The following DNAJA1 variants were observed in gnomAD, a reference collection of about 807,000 sequenced individuals.
The protein encoded by DNAJA1 is DnaJ heat shock protein family (Hsp40) member A1.
Under a neutral mutation model 47.6 loss-of-function variants are expected in DNAJA1, and 26 were observed. The observed-to-expected ratio is 0.55, with a 90% CI of 0.40 to 0.76. The LOEUF (loss-of-function observed/expected upper bound fraction) is 0.76. DNAJA1 is among the 30% of genes least tolerant of loss of function. The pLI is 0.00. For missense variants in DNAJA1, 315 were observed against 485.0 expected (o/e 0.65, Z 3.29); for synonymous variants, 165 against 158.4 (o/e 1.04, Z -0.31).
intron 3 of DNAJA1, among the ~76,000 whole-genome samples, chr9:33,027,410 G>A (rs538867889): frequency 1.3e-5 from 2 of 151,994 alleles, no homozygotes; most frequent in East Asian, 3.9e-4. Context: ...CACCTGCCTT[G>A]GCCTCCCAGA....
At chr9:33,030,699 G>A in intron 5 of DNAJA1, 32 bp downstream of exon 5, 1 of 1,530,844 alleles carries the variant, frequency 6.5e-7, no homozygotes, top group Non-Finnish European at 8.9e-7. Context: ...CTGAAGTCTT[G>A]AATGCTGTGG....
At chr9:33,035,540 G>A (rs901267060) in intron 6 of DNAJA1, among the ~76,000 whole-genome samples, 1 of 152,014 alleles carries the variant, frequency 6.6e-6, no homozygotes. Flanking sequence ...TGAGATCTTG[G>A]CTCACTGCAA....
intron 3 of DNAJA1, 47 bp downstream of exon 3, chr9:33,027,037 G>A (rs746245640): frequency 3.7e-6 from 6 of 1,606,962 alleles, no homozygotes; most frequent in East Asian, 2.2e-5. Context: ...TTAGCTGTTG[G>A]TCAGAGCAGA....
At chr9:33,028,025 C>CAAA (rs144327341) in intron 3 of DNAJA1, among the ~76,000 whole-genome samples, 44 of 77,886 alleles carry the variant, frequency 5.6e-4, no homozygotes, top group African/African-American at 7.7e-4. Flanking sequence ...ACTCTTGTCT[C>CAAA]AAAAAAAAAA....
chr9:33,032,186 G>A (rs147221727), intron 5 of DNAJA1, among the ~76,000 whole-genome samples: 542 of 152,320 alleles, frequency 3.6e-3, no homozygotes, highest in African/African-American at 0.012. Context: ...ATAAGTGGCT[G>A]CAATAGGATT....
chr9:33,026,754 T>C (rs1400258334), intron 2 of DNAJA1, 59 bp from the exon 3 acceptor site: 4 of 1,590,654 alleles, frequency 2.5e-6, no homozygotes, highest in Non-Finnish European at 2.6e-6. Context: ...TCAAGTGTAA[T>C]GTAGCTAGGT....
chr9:33,026,635 T>C lies in DNAJA1; in HGVS notation c.132+19T>C. The C allele has an allele frequency of 6.3e-7, 1 of 1,595,594 alleles. No homozygotes were observed. On this transcript the variant is annotated intron_variant, in intron 2 of 8. Transcript: ENST00000330899. Reference sequence around the variant, plus strand: ...AGAGAAGGTGAATAGTATCTACTCTTAAACGTATCTGAATAGTTCTTTGCC... The same window carrying C: ...AGAGAAGGTGAATAGTATCTACTCTCAAACGTATCTGAATAGTTCTTTGCC...
chr9:33,032,518 A>G (rs1285063242), intron 5 of DNAJA1, among the ~76,000 whole-genome samples: 3 of 152,160 alleles, frequency 2.0e-5, no homozygotes, highest in East Asian at 1.9e-4. Context: ...TGGTCTTGTT[A>G]TGTGTCATTT....
At chr9:33,029,335 C>T (rs181818346) in intron 3 of DNAJA1, among the ~76,000 whole-genome samples, 370 of 152,298 alleles carry the variant, frequency 2.4e-3, no homozygotes, top group Non-Finnish European at 3.2e-3. Flanking sequence ...AGTGCTGGCC[C>T]AGCAGTAAAT....
intron 5 of DNAJA1, 103 bp downstream of exon 5, chr9:33,030,770 A>G: frequency 3.0e-6 from 3 of 989,834 alleles, no homozygotes; most frequent in Non-Finnish European, 4.4e-6. Context: ...GTTATATATG[A>G]TCCTATCAAT....
At chr9:33,027,331 T>C (rs1158622271) in intron 3 of DNAJA1, among the ~76,000 whole-genome samples, 1 of 151,850 alleles carries the variant, frequency 6.6e-6, no homozygotes, top group Non-Finnish European at 1.5e-5. Flanking sequence ...AATTTTGTAT[T>C]TTTAGTAGAG....
rs114454525 is a variant in DNAJA1, at chr9:33,035,902, A to G, written c.759-672A>G. 4.4e-3 allele frequency among the ~76,000 whole-genome samples: 677 copies of G among 152,364 alleles called. 4 individuals are homozygous for G. The highest frequency in any genetic ancestry group is 0.015 in the African/African-American group (634 of 41,586). On this transcript the variant is annotated intron_variant, in intron 6 of 8. Transcript: ENST00000330899. ...AGGAAATATTATTTCAGGTTCATCA[A>G]TGAGGAAATTGTTAGAGTCCCTTTA... is the stretch of plus-strand genomic sequence containing the variant.
intron 8 of DNAJA1, 136 bp downstream of exon 8, chr9:33,037,251 C>T (rs1473366544): frequency 1.7e-6 from 1 of 605,416 alleles, no homozygotes; most frequent in Non-Finnish European, 2.8e-6. Flanking sequence ...GCAGGAGGAT[C>T]CCTTGAGCCC....
At chr9:33,036,961 G>A in intron 7 of DNAJA1, 54 bp from the exon 8 acceptor site, 1 of 1,484,628 alleles carries the variant, frequency 6.7e-7, no homozygotes, top group East Asian at 2.3e-5. Flanking sequence ...TATATTCCCT[G>A]CCTCATAAAA....
At chr9:33,037,624 G>A (rs1839056818) in intron 8 of DNAJA1, among the ~76,000 whole-genome samples, 1 of 152,176 alleles carries the variant, frequency 6.6e-6, no homozygotes, top group Non-Finnish European at 1.5e-5. Context: ...CAAGGCTGCA[G>A]TGAATCAAGA....
At chr9:33,028,192 T>A (rs905488915) in intron 3 of DNAJA1, among the ~76,000 whole-genome samples, 6 of 152,182 alleles carry the variant, frequency 3.9e-5, no homozygotes, top group African/African-American at 4.8e-5. Flanking sequence ...ACCTAAAACT[T>A]CTTCAAGCTC....
chr9:33,034,441 T>G (rs1207419460), intron 6 of DNAJA1, 111 bp downstream of exon 6: 1 of 750,240 alleles, frequency 1.3e-6, no homozygotes, highest in African/African-American at 1.8e-5. Context: ...TAGAACCTAT[T>G]TCTCAGGAAG....
Position 33,029,258 on chromosome 9 carries a change from A to C in DNAJA1, c.311-627A>C, listed in dbSNP as rs190465417. The stretch of plus-strand genomic sequence containing the variant: ...ACAGAACAGATATAAAACATTTATC[A>C]CTGCAGAAAGTTCTGTTGGGCAATG... On this transcript the variant is annotated intron_variant, in intron 3 of 8. Coordinates refer to ENST00000330899, the MANE Select transcript of DNAJA1 (RefSeq NM_001539.4). Among the ~76,000 whole-genome samples the C allele has an allele frequency of 7.2e-5, 11 of 152,358 alleles. No individual in the cohort carries two copies. In the East Asian group the frequency reaches 2.1e-3, roughly 29 times the overall value.
At chr9:33,033,043 C>T (rs1838983665) in intron 5 of DNAJA1, among the ~76,000 whole-genome samples, 2 of 151,550 alleles carry the variant, frequency 1.3e-5, no homozygotes, top group South Asian at 4.1e-4. Flanking sequence ...GAGATAACTG[C>T]TTTGGTGTAA....
Sources: allele counts gnomAD v4.1 joint callset (sites outside exome capture counted in the v4.1 genomes callset), GRCh38; gene constraint gnomAD v4.1.1; transcripts MANE v1.5; gene names NCBI Gene and HGNC (gene_info 2026-07-23, HGNC 2026-07-21).